Variants in CCDC136 observed in about 807,000 individuals in gnomAD.
CCDC136 encodes the protein coiled-coil domain containing 136.
In CCDC136, 100 loss-of-function variants were observed where a neutral mutation model predicts 141.2. The ratio of observed to expected loss-of-function variants is 0.71; its 90% CI spans 0.60 to 0.84. CCDC136 has a LOEUF of 0.84. Ranked by LOEUF, CCDC136 falls within the 40% of genes least tolerant of loss-of-function variation. CCDC136 has a pLI of 0.00. For missense variants in CCDC136, 1,206 were observed against 1,379.4 expected (o/e 0.87, Z 1.99); for synonymous variants, 474 against 531.9 (o/e 0.89, Z 1.50).
intron 3 of CCDC136, among the ~76,000 whole-genome samples, chr7:128,795,493 A>C (rs1260864743): frequency 6.6e-6 from 1 of 152,022 alleles, no homozygotes; most frequent in Non-Finnish European, 1.5e-5. Flanking sequence ...GGAGAAAAAA[A>C]AGGAAGGCCA....
chr7:128,820,099 A>C (rs1480395343), intron 17 of CCDC136, among the ~76,000 whole-genome samples: 1 of 152,034 alleles, frequency 6.6e-6, no homozygotes, highest in Non-Finnish European at 1.5e-5. Flanking sequence ...TAAAATATTC[A>C]CTTCCTCTGC....
Position 128,811,991 on chromosome 7 carries a change from C to G in CCDC136, c.2220C>G (p.Ser740Arg). 1 of 1,613,934 alleles carries G rather than the reference C, an allele frequency of 6.2e-7. No individual in the cohort carries two copies. Among genetic ancestry groups the G allele is most frequent in the Non-Finnish European group, 8.5e-7 (1 of 1,179,832 alleles). ...TCCAGTCCCCTTCTATAAAAATGAGCCTTGAGTCCTACGGGAAGAGCTATG... is the reference window on the plus strand; with the variant it reads ...TCCAGTCCCCTTCTATAAAAATGAGGCTTGAGTCCTACGGGAAGAGCTATG... ...LQVQSPSIKM[S>R]LESYGKSYGS... is the part of the protein sequence containing the mutation. Residue 740 changes from serine to arginine, a missense_variant, in exon 13 of 18, where the codon AGC becomes AGG. By Grantham distance (110) the Ser-to-Arg change is moderately radical. Transcript: ENST00000297788.
chr7:128,810,889 A>G (rs562470712), intron 12 of CCDC136, among the ~76,000 whole-genome samples: 16 of 152,328 alleles, frequency 1.1e-4, no homozygotes, highest in Non-Finnish European at 2.2e-4. Flanking sequence ...TGACCACACT[A>G]TCTTCATTGG....
intron 1 of CCDC136, among the ~76,000 whole-genome samples, chr7:128,793,910 T>C (rs62479604): frequency 0.17 from 25,386 of 152,096 alleles, 2,253 homozygotes; most frequent in East Asian, 0.24. Context: ...GCATGCCTGG[T>C]CAGTTTTGTT....
chr7:128,818,023 G>A (rs1268090685), intron 17 of CCDC136, 159 bp downstream of exon 17: 3 of 618,512 alleles, frequency 4.9e-6, no homozygotes, highest in Non-Finnish European at 8.7e-6. Flanking sequence ...CTTTTCCTTG[G>A]GCTACTGCAA....
At position 128,812,698 on chromosome 7, in the gene CCDC136, C is replaced by A; in HGVS notation, c.2542-10C>A. ...TCAGGGTGCTATTGTTGCTCCCCCA[C>A]CCCCCGCAGCGCTTTGAGGAAATGG... On this transcript the variant is annotated splice_polypyrimidine_tract_variant and intron_variant, in intron 13 of 17. Coordinates refer to ENST00000297788, the MANE Select transcript of CCDC136 (RefSeq NM_022742.5). 1.2e-6 allele frequency: 2 copies of A among 1,604,864 alleles called. No homozygotes were observed. The highest frequency in any genetic ancestry group is 1.7e-6 in the Non-Finnish European group (2 of 1,174,740).
Position 128,804,759 on chromosome 7 carries a change from G to A in CCDC136, c.780G>A (p.Glu260=), listed in dbSNP as rs1188049180. ...GGCAGCTTGCAGATCTGGAGAGTGA[G>A]AGGTACAGCTGTCTCTGGAGAGTGA... The part of the protein sequence containing the change: ...LTGQLADLES[E]RTQRATERWL... Residue 260 remains glutamate, a splice_region_variant and synonymous_variant, in exon 5 of 18, where the codon GAG becomes GAA. Coordinates refer to ENST00000297788, the MANE Select transcript of CCDC136 (RefSeq NM_022742.5). 6.3e-7 allele frequency: 1 copy of A among 1,577,608 alleles called. No homozygotes were observed. Among genetic ancestry groups the A allele is most frequent in the Non-Finnish European group, 8.6e-7 (1 of 1,156,378 alleles).
At chr7:128,814,006 AT>A (rs1422144013) in intron 14 of CCDC136, among the ~76,000 whole-genome samples, 1 of 152,154 alleles carries the variant, frequency 6.6e-6, no homozygotes, top group African/African-American at 2.4e-5. Flanking sequence ...TATATAATAA[AT>A]CCCTGAGGTT....
Position 128,794,547 on chromosome 7 carries a change from G to A in CCDC136, c.216G>A (p.Leu72=). 1 of 1,556,084 alleles carries A rather than the reference G, an allele frequency of 6.4e-7. No homozygotes were observed. The change falls in exon 2 of 18, where the codon CTG becomes CTA. Residue 72 remains leucine (L), a synonymous_variant. Coordinates refer to ENST00000297788, the MANE Select transcript of CCDC136 (RefSeq NM_022742.5). The surrounding 1 kb of genome is among the most constrained non-coding windows in gnomAD (Gnocchi z 4.3). Reference sequence around the variant, plus strand: ...AGGTGCTGCAGCTGGTGGCAGAACTGGAGGAGACCCGGGAACTGGCAGGGC... The same window carrying A: ...AGGTGCTGCAGCTGGTGGCAGAACTAGAGGAGACCCGGGAACTGGCAGGGC... The part of the protein sequence containing the change: ...RAQVLQLVAE[L]EETRELAGQH...
intron 9 of CCDC136, 150 bp downstream of exon 9, chr7:128,807,008 A>T (rs1804963329): frequency 3.0e-6 from 2 of 660,876 alleles, no homozygotes; most frequent in South Asian, 7.7e-5. Flanking sequence ...GACCTCGGGG[A>T]GTCACAAGGC....
chr7:128,791,713 C>G (rs1156950394), upstream of CCDC136: 1 of 469,766 alleles, frequency 2.1e-6, no homozygotes, highest in African/African-American at 2.0e-5. This position sits in a 1 kb window ranked among gnomAD's most constrained non-coding sequence, Gnocchi z 7.1. Context: ...GGTCTCCATC[C>G]TTCCGGCCTG....
At position 128,817,742 on chromosome 7, in the gene CCDC136, T is replaced by C. The variant is rs1473286613; in HGVS notation, c.3364-16T>C. 1 of 1,564,952 alleles carries C rather than the reference T, an allele frequency of 6.4e-7. No homozygotes were observed. Among genetic ancestry groups the C allele is most frequent in the African/African-American group, 1.4e-5 (1 of 73,914 alleles). ...GGTCTCTCCTCGTGCTTCTTTCTCA[T>C]TTTGGTGTGTTGCAGTCATCCCCTA... On this transcript the variant is annotated splice_polypyrimidine_tract_variant and intron_variant, in intron 16 of 17. Coordinates refer to ENST00000297788, the MANE Select transcript of CCDC136 (RefSeq NM_022742.5). This position sits in a 1 kb window ranked among gnomAD's most constrained non-coding sequence, Gnocchi z 4.6.
At chr7:128,806,947 G>A in intron 9 of CCDC136, 89 bp downstream of exon 9, 1 of 1,372,568 alleles carries the variant, frequency 7.3e-7, no homozygotes, top group South Asian at 1.6e-5. Flanking sequence ...AATGGTAGGA[G>A]TGTGGAGGAG....
Position 128,804,631 on chromosome 7 carries a change from C to G in CCDC136, c.671-19C>G. 1 of 1,475,942 alleles carries G rather than the reference C, an allele frequency of 6.8e-7. No individual in the cohort carries two copies. The highest frequency in any genetic ancestry group is 9.3e-7 in the Non-Finnish European group (1 of 1,076,946). 91.4% of individuals were successfully genotyped at this position (1,475,942 alleles called of 1,614,324 possible). A position where few individuals can be genotyped will look rare whatever the true frequency, so the allele number is the denominator to read the frequency against. On this transcript the variant is annotated intron_variant, in intron 4 of 17. Transcript: ENST00000297788. ...TTCCTTTCCTCCCGGTCTCATCTCTCTCTGCCTGTCCTCTGCAGAAGAACT... is the reference window on the plus strand; with the variant it reads ...TTCCTTTCCTCCCGGTCTCATCTCTGTCTGCCTGTCCTCTGCAGAAGAACT...
rs1562983642 is a variant in CCDC136, at chr7:128,821,580, A to G, written c.*6-219A>G. On this transcript the variant is annotated intron_variant, in intron 17 of 17. Coordinates refer to ENST00000297788, the MANE Select transcript of CCDC136 (RefSeq NM_022742.5). This position sits in a 1 kb window ranked among gnomAD's most constrained non-coding sequence, Gnocchi z 5.1. The stretch of plus-strand genomic sequence containing the variant: ...GCCCATGGGGAGAAACGGAGGCCTG[A>G]ATACAGGCGGTCACCTAAGGTGGTG... Among the ~76,000 whole-genome samples, 1 of 152,156 alleles carries G rather than the reference A, an allele frequency of 6.6e-6. No homozygotes were observed. Among genetic ancestry groups the G allele is most frequent in the Non-Finnish European group, 1.5e-5 (1 of 68,024 alleles).
rs963625431 is a variant in CCDC136, at chr7:128,810,323, A to G, written c.1985A>G (p.Asp662Gly). 6.2e-6 allele frequency: 10 copies of G among 1,613,896 alleles called. No homozygotes were observed. In the Admixed American group the frequency reaches 6.7e-5, roughly 11 times the overall value. ...SHFQEVLENP[D>G]DSKLAKSSKC... ...TTCCAGGAAGTGTTGGAGAATCCCGATGATTCCAAATTGGCTAAGTCCTCC... is the reference window on the plus strand; with the variant it reads ...TTCCAGGAAGTGTTGGAGAATCCCGGTGATTCCAAATTGGCTAAGTCCTCC... Residue 662 changes from aspartate (D) to glycine (G), a missense_variant, in exon 12 of 18, where the codon GAT becomes GGT. Asp to Gly is a moderately conservative substitution (Grantham distance 94). Coordinates refer to ENST00000297788, the MANE Select transcript of CCDC136 (RefSeq NM_022742.5).
Position 128,817,863 on chromosome 7 carries a change from A to C in CCDC136, c.*4A>C. 1 of 1,610,866 alleles carries C rather than the reference A, an allele frequency of 6.2e-7. No individual in the cohort carries two copies. Among genetic ancestry groups the C allele is most frequent in the Non-Finnish European group, 8.5e-7 (1 of 1,177,176 alleles). ...GTGGGCTGAGACGTCGTCCTAATGC[A>C]GGTACTGGTATTGCTTCCTCTCCTT... On this transcript the variant is annotated splice_region_variant and 3_prime_UTR_variant, in exon 17 of 18. Transcript: ENST00000297788. The surrounding 1 kb of genome is among the most constrained non-coding windows in gnomAD (Gnocchi z 4.6).
chr7:128,806,665 G>T, intron 8 of CCDC136, 23 bp from the exon 9 acceptor site: 1 of 1,601,496 alleles, frequency 6.2e-7, no homozygotes, highest in South Asian at 1.1e-5. Flanking sequence ...CAAAGGCACT[G>T]CCCAAAGCCC....
chr7:128,814,574 C>A, intron 14 of CCDC136, 64 bp from the exon 15 acceptor site: 8 of 1,382,980 alleles, frequency 5.8e-6, no homozygotes, highest in Non-Finnish European at 7.8e-6. Context: ...AGTTTGGTTG[C>A]GTGGTCAGCC....
Sources: allele counts gnomAD v4.1 joint callset (sites outside exome capture counted in the v4.1 genomes callset), GRCh38; gene constraint gnomAD v4.1.1; non-coding constraint Gnocchi (gnomAD v3.1); transcripts MANE v1.5; gene names NCBI Gene and HGNC (gene_info 2026-07-23, HGNC 2026-07-21).